The following MCC variants were observed in gnomAD, a reference collection of about 807,000 sequenced individuals.
MCC encodes the protein MCC regulator of Wnt signaling pathway, also known as colorectal mutant cancer protein.
Under a neutral mutation model 116.2 loss-of-function variants are expected in MCC, and 90 were observed. That is an observed-to-expected ratio of 0.77 (90% confidence interval 0.65 to 0.92). MCC has a LOEUF of 0.92. Among genes scored for constraint, MCC ranks in the 40% least tolerant of loss-of-function variants. MCC has a pLI of 0.00. For synonymous variants in MCC, 578 were observed against 510.5 expected (o/e 1.13, Z -1.78); for missense variants, 1,516 against 1,312.2 (o/e 1.16, Z -2.40).
intron 1 of MCC, among the ~76,000 whole-genome samples, chr5:113,416,350 T>A (rs1056682742): frequency 6.6e-6 from 1 of 152,016 alleles, no homozygotes; most frequent in East Asian, 1.9e-4. Flanking sequence ...GCACAGGAGT[T>A]TGAGGTTGTA....
At chr5:113,067,773 G>A (rs543188716) in intron 13 of MCC, among the ~76,000 whole-genome samples, 1 of 152,416 alleles carries the variant, frequency 6.6e-6, no homozygotes, top group East Asian at 1.9e-4. Flanking sequence ...GACAGCTGCA[G>A]AAACGCTGGC....
intron 13 of MCC, among the ~76,000 whole-genome samples, chr5:113,065,261 T>C (rs1580969383): frequency 6.6e-6 from 1 of 152,090 alleles, no homozygotes; most frequent in East Asian, 1.9e-4. Flanking sequence ...TGGGGGACGC[T>C]GAAAACGGGG....
intron 1 of MCC, among the ~76,000 whole-genome samples, chr5:113,415,416 G>A (rs1218716008): frequency 6.6e-6 from 1 of 152,172 alleles, no homozygotes; most frequent in Non-Finnish European, 1.5e-5. Context: ...ATCAAATGTA[G>A]ATTTGGTCTT....
intron 4 of MCC, among the ~76,000 whole-genome samples, chr5:113,150,608 AC>A (rs1452643783): frequency 6.6e-6 from 1 of 152,120 alleles, no homozygotes; most frequent in Non-Finnish European, 1.5e-5. Flanking sequence ...GCTAAAAACA[AC>A]ACATAATACC....
chr5:113,147,452 C>T (rs868705309), intron 4 of MCC, among the ~76,000 whole-genome samples: 24 of 152,114 alleles, frequency 1.6e-4, no homozygotes, highest in African/African-American at 5.8e-4. Flanking sequence ...CTTTAATCAT[C>T]GCATTAGTGT....
chr5:113,152,785 G>A (rs1335420373), intron 3 of MCC, among the ~76,000 whole-genome samples: 4 of 152,134 alleles, frequency 2.6e-5, no homozygotes, highest in Middle Eastern at 3.4e-3. Context: ...TCACTTAATC[G>A]CATCGGAGCA....
chr5:113,476,910 C>T (rs760700765), intron 1 of MCC, among the ~76,000 whole-genome samples: 1 of 152,124 alleles, frequency 6.6e-6, no homozygotes, highest in African/African-American at 2.4e-5. Context: ...AATTATATCT[C>T]AATAAAGCTA....
intron 3 of MCC, among the ~76,000 whole-genome samples, chr5:113,282,615 C>T (rs1187632068): frequency 6.6e-6 from 1 of 152,118 alleles, no homozygotes; most frequent in African/African-American, 2.4e-5. Context: ...GTCCTGGAGT[C>T]CAATGCACTC....
At chr5:113,069,042 G>C (rs1459594811) in intron 12 of MCC, among the ~76,000 whole-genome samples, 1 of 152,196 alleles carries the variant, frequency 6.6e-6, no homozygotes, top group Non-Finnish European at 1.5e-5. Flanking sequence ...GCCACAAATA[G>C]CTACTTAAAT....
chr5:113,448,779 C>T (rs910436231), intron 1 of MCC, among the ~76,000 whole-genome samples: 1 of 152,098 alleles, frequency 6.6e-6, no homozygotes, highest in African/African-American at 2.4e-5. Context: ...GATTTCAATG[C>T]TAATGGGGAA....
At chr5:113,059,634 G>A (rs896877934) in intron 14 of MCC, among the ~76,000 whole-genome samples, 22 of 152,214 alleles carry the variant, frequency 1.4e-4, no homozygotes, top group African/African-American at 4.6e-4. Flanking sequence ...AAAAACCCTC[G>A]CCACACATGT....
At chr5:113,238,798 T>A (rs1581298530) in intron 3 of MCC, among the ~76,000 whole-genome samples, 1 of 152,308 alleles carries the variant, frequency 6.6e-6, no homozygotes, top group South Asian at 2.1e-4. Flanking sequence ...AGACTAATGG[T>A]CTCAAATTTT....
intron 3 of MCC, among the ~76,000 whole-genome samples, chr5:113,218,288 C>T (rs1257846746): frequency 6.6e-6 from 1 of 152,132 alleles, no homozygotes; most frequent in African/African-American, 2.4e-5. Context: ...TTTATTCTTT[C>T]ACGTCTCTAA....
chr5:113,169,156 T>G (rs1368874974), intron 3 of MCC, among the ~76,000 whole-genome samples: 3 of 152,026 alleles, frequency 2.0e-5, no homozygotes, highest in Admixed American at 1.3e-4. Context: ...GCATTGCTCT[T>G]GCTGTTTTAT....
intron 3 of MCC, among the ~76,000 whole-genome samples, chr5:113,186,194 A>G (rs1269322557): frequency 6.6e-6 from 1 of 152,194 alleles, no homozygotes; most frequent in Non-Finnish European, 1.5e-5. Flanking sequence ...TCTACACAGT[A>G]TCCCTGGCTC....
At chr5:113,468,593 A>G (rs1771981949) in intron 1 of MCC, among the ~76,000 whole-genome samples, 1 of 152,172 alleles carries the variant, frequency 6.6e-6, no homozygotes, top group African/African-American at 2.4e-5. Flanking sequence ...CCAGTATTTT[A>G]TTGAGGATTT....
At chr5:113,112,857 TA>T (rs2150262916) in intron 6 of MCC, among the ~76,000 whole-genome samples, 1 of 152,384 alleles carries the variant, frequency 6.6e-6, no homozygotes, top group South Asian at 2.1e-4. Context: ...AAGTTTTTGT[TA>T]ATTTACTTGT....
intron 8 of MCC, among the ~76,000 whole-genome samples, chr5:113,095,964 G>A (rs1299766058): frequency 6.6e-6 from 1 of 152,180 alleles, no homozygotes; most frequent in African/African-American, 2.4e-5. Flanking sequence ...TGAGCTGGGG[G>A]ACTTGGCACT....
chr5:113,114,370 C>G (rs1343211686), intron 6 of MCC, among the ~76,000 whole-genome samples: 1 of 152,198 alleles, frequency 6.6e-6, no homozygotes, highest in African/African-American at 2.4e-5. Context: ...GGAGAGCTCT[C>G]CTGTAAGTGT....
Sources: gnomAD v4.1 joint callset for allele counts (sites outside exome capture counted in the v4.1 genomes callset) on GRCh38, gnomAD v4.1.1 for gene constraint, MANE v1.5 for transcripts, NCBI Gene and HGNC (gene_info 2026-07-23, HGNC 2026-07-21) for gene names.